The following EXD3 variants were observed in gnomAD, a reference collection of about 807,000 sequenced individuals.
EXD3 encodes exonuclease 3'-5' domain containing 3, also known as exonuclease mut-7 homolog.
Under a neutral mutation model 98.0 loss-of-function variants are expected in EXD3, and 92 were observed. The ratio of observed to expected loss-of-function variants is 0.94; its 90% confidence interval spans 0.79 to 1.12. EXD3 has a LOEUF of 1.12. EXD3 is among the 50% of genes most tolerant of loss of function. The pLI, the probability that EXD3 is intolerant of heterozygous loss-of-function variation, is 0.00. For missense variants in EXD3, 1,222 were observed against 1,191.6 expected, an observed-to-expected ratio of 1.03 and a Z score of -0.38; for synonymous variants, 569 against 526.0, an observed-to-expected ratio of 1.08 and a Z score of -1.12.
intron 6 of EXD3, among the ~76,000 whole-genome samples, chr9:137,366,951 C>T (rs184164725): frequency 3.3e-5 from 5 of 152,350 alleles, no homozygotes; most frequent in East Asian, 1.9e-4. Context: ...CCTGGTAGTC[C>T]GGAAATGCCT....
chr9:137,370,855 G>A (rs1425026440), intron 5 of EXD3, among the ~76,000 whole-genome samples: 1 of 145,988 alleles, frequency 6.8e-6, no homozygotes, highest in Non-Finnish European at 1.5e-5. Context: ...TTTAAAAAAT[G>A]TAAATAAAAT....
At chr9:137,352,492 C>T in intron 11 of EXD3, 128 bp downstream of exon 11, 1 of 1,037,384 alleles carries the variant, frequency 9.6e-7, no homozygotes, top group Non-Finnish European at 1.4e-6. Context: ...TATAGCTGCG[C>T]TCTTTGTTTT....
rs753573360 is a variant in EXD3, at chr9:137,306,918, G to A, written c.*32C>T. 5.2e-6 allele frequency: 8 copies of A among 1,530,714 alleles called. No homozygotes were observed. The highest frequency in any genetic ancestry group is 2.5e-5 in the South Asian group (2 of 78,570). 94.8% of individuals were successfully genotyped at this position (1,530,714 alleles called of 1,614,324 possible). A position where few individuals can be genotyped will look rare whatever the true frequency, so the allele number is the denominator to read the frequency against. ...GTCCACGGCCATGGGCCCAGCAGTC[G>A]GGCACTTTCCATGTTTATTGTCTGG... On this transcript the variant is annotated 3_prime_UTR_variant, in exon 22 of 22. Transcript: ENST00000340951.
At chr9:137,355,488 A>AGAAAG (rs1834618725) in intron 8 of EXD3, among the ~76,000 whole-genome samples, 13 of 106,440 alleles carry the variant, frequency 1.2e-4, no homozygotes, top group South Asian at 2.7e-4. Flanking sequence ...AGGAGGAAGG[A>AGAAAG]GGATGGAGGA....
intron 1 of EXD3, among the ~76,000 whole-genome samples, chr9:137,410,423 T>A (rs1408565168): frequency 3.3e-5 from 5 of 149,702 alleles, no homozygotes; most frequent in Non-Finnish European, 7.4e-5. Context: ...AGGTGGAGGT[T>A]GCAGTGAGCT....
At chr9:137,376,114 G>A (rs1484135803) in intron 3 of EXD3, among the ~76,000 whole-genome samples, 2 of 152,064 alleles carry the variant, frequency 1.3e-5, no homozygotes, top group African/African-American at 4.8e-5. Flanking sequence ...GGAGGCTGAG[G>A]CGGGCAGATC....
chr9:137,374,740 G>A, intron 3 of EXD3: 1 of 985,464 alleles, frequency 1.0e-6, no homozygotes, highest in Non-Finnish European at 1.2e-6. Flanking sequence ...AGGGTGAAAG[G>A]CAGCTTCTCT....
intron 1 of EXD3, among the ~76,000 whole-genome samples, chr9:137,417,916 A>C (rs1177322786): frequency 1.3e-5 from 2 of 150,954 alleles, no homozygotes; most frequent in Admixed American, 1.3e-4. Flanking sequence ...GCGGGGCCGG[A>C]GGGGGTGAGC....
At chr9:137,416,107 C>T (rs547136885) in intron 1 of EXD3, among the ~76,000 whole-genome samples, 1 of 152,358 alleles carries the variant, frequency 6.6e-6, no homozygotes, top group South Asian at 2.1e-4. Flanking sequence ...ACCTCCACAC[C>T]TCACCCATGG....
chr9:137,348,248 G>C lies in EXD3; in HGVS notation c.1831-10C>G. The C allele has an allele frequency of 6.2e-7, 1 of 1,609,300 alleles. No homozygotes were observed. The highest frequency in any genetic ancestry group is 8.5e-7 in the Non-Finnish European group (1 of 1,178,620). ...CCACAGCCACAGGGACCTGCAGTGAGGCCCTGGTCAGCAGTCCCACGGTCA... is the reference window on the plus strand; with the variant it reads ...CCACAGCCACAGGGACCTGCAGTGACGCCCTGGTCAGCAGTCCCACGGTCA... On this transcript the variant is annotated splice_polypyrimidine_tract_variant and intron_variant, in intron 16 of 21. Coordinates refer to ENST00000340951, the MANE Select transcript of EXD3 (RefSeq NM_017820.5).
In EXD3 at chr9:137,393,183, A is replaced by G; in HGVS notation, c.55+2120T>C. ...CTGCTAGCTGGGGTGTTGCACTTTG[A>G]AAACATCCCACTCTGCTTAGGTGGA... On this transcript the variant is annotated intron_variant, in intron 2 of 21. Coordinates refer to ENST00000340951, the MANE Select transcript of EXD3 (RefSeq NM_017820.5). The surrounding 1 kb of genome is among the most constrained non-coding windows in gnomAD (Gnocchi z 4.6). 1 of 702,576 alleles carries G rather than the reference A, an allele frequency of 1.4e-6. No homozygotes were observed. The allele number at this position is 702,576 out of a possible 1,614,324, so 43.5% of individuals were successfully genotyped here. A position where few individuals can be genotyped will look rare whatever the true frequency, so the allele number is the denominator to read the frequency against.
At position 137,393,368 on chromosome 9, in the gene EXD3, C is replaced by T. The variant is rs566298276; in HGVS notation, c.55+1935G>A. ...GTGCAGGCCCGGGGCCCGCAGATGG[C>T]CTCAGAGGAGGCGGTGGATGAACGG... is the stretch of plus-strand genomic sequence containing the variant. On this transcript the variant is annotated intron_variant, in intron 2 of 21. Coordinates refer to ENST00000340951, the MANE Select transcript of EXD3 (RefSeq NM_017820.5). This position sits in a 1 kb window ranked among gnomAD's most constrained non-coding sequence, Gnocchi z 4.6. 228 of 652,150 alleles carry T rather than the reference C, an allele frequency of 3.5e-4. No individual in the cohort carries two copies. In the African/African-American group the frequency reaches 3.7e-3, roughly 11 times the overall value. 40.4% of individuals were successfully genotyped at this position (652,150 alleles called of 1,614,324 possible).
intron 1 of EXD3, among the ~76,000 whole-genome samples, chr9:137,409,830 C>T (rs1837909320): frequency 6.6e-6 from 1 of 152,222 alleles, no homozygotes; most frequent in South Asian, 2.1e-4. Flanking sequence ...CGGGGCTCCC[C>T]AGCTCCCTGA....
rs1221380519 is a variant in EXD3 at position 137,403,676 on chromosome 9, C to T, written c.-47-8272G>A. Among the ~76,000 whole-genome samples the T allele has an allele frequency of 6.6e-6, 1 of 152,154 alleles. No individual in the cohort carries two copies. Among genetic ancestry groups the T allele is most frequent in the African/African-American group, 2.4e-5 (1 of 41,422 alleles). ...GCCTTGGGGGAGATGGACCAGCAGG[C>T]CCGAGATCCAGGGTCTTAGGGCTCC... On this transcript the variant is annotated intron_variant, in intron 1 of 21. Coordinates refer to ENST00000340951, the MANE Select transcript of EXD3 (RefSeq NM_017820.5). The surrounding 1 kb of genome is among the most constrained non-coding windows in gnomAD (Gnocchi z 6.1).
In EXD3 at chr9:137,372,938, G is replaced by C. The variant is rs962240711; in HGVS notation, c.429C>G (p.Val143=). Residue 143 remains valine (V), a synonymous_variant, in exon 5 of 22, where the codon GTC becomes GTG. Coordinates refer to ENST00000340951, the MANE Select transcript of EXD3 (RefSeq NM_017820.5). The part of the protein sequence containing the change: ...DADRSCLLAH[V]HRLHHEGRFR... ...ACCTGCCCTCGTGGTGGAGGCGGTG[G>C]ACGTGTGCCAGCAGGCAGCTCCTGT... is the stretch of plus-strand genomic sequence containing the variant. 1 of 1,601,020 alleles carries C rather than the reference G, an allele frequency of 6.2e-7. No homozygotes were observed. Among genetic ancestry groups the C allele is most frequent in the Admixed American group, 1.7e-5 (1 of 60,016 alleles).
intron 4 of EXD3, 43 bp downstream of exon 4, chr9:137,373,383 G>A: frequency 1.3e-6 from 2 of 1,590,826 alleles, no homozygotes; most frequent in Non-Finnish European, 1.7e-6. Context: ...CTGAGGGGCA[G>A]GGGCAGGAAG....
At chr9:137,383,499 G>A (rs180710899) in intron 2 of EXD3, 122 bp from the exon 3 acceptor site, 136 of 689,968 alleles carry the variant, frequency 2.0e-4, no homozygotes, top group African/African-American at 1.2e-3. Context: ...CCGGGGGGCC[G>A]GGAACCCTCC....
intron 17 of EXD3, among the ~76,000 whole-genome samples, chr9:137,334,848 C>T (rs866550697): frequency 5.3e-5 from 8 of 152,078 alleles, no homozygotes; most frequent in East Asian, 1.9e-4. Flanking sequence ...GAGGCCGAGG[C>T]GGGCGGATCA....
At chr9:137,419,240 C>T (rs888574668) in intron 1 of EXD3, among the ~76,000 whole-genome samples, 1 of 152,158 alleles carries the variant, frequency 6.6e-6, no homozygotes, top group Non-Finnish European at 1.5e-5. Context: ...TGTTATCAGT[C>T]GTGATTACGA....
Sources: gnomAD v4.1 joint callset for allele counts (sites outside exome capture counted in the v4.1 genomes callset) on GRCh38, gnomAD v4.1.1 for gene constraint, Gnocchi (gnomAD v3.1) non-coding constraint, MANE v1.5 for transcripts, NCBI Gene and HGNC (gene_info 2026-07-23, HGNC 2026-07-21) for gene names.